SLC2A9: variants seen among roughly 807,000 people sequenced by gnomAD.
SLC2A9 encodes solute carrier family 2, facilitated glucose transporter member 9.
In SLC2A9, 39 loss-of-function variants were observed where a neutral mutation model predicts 50.6. The observed-to-expected ratio is 0.77, with a 90% CI of 0.60 to 1.01. The LOEUF (loss-of-function observed/expected upper bound fraction) is 1.01. Among genes scored for constraint, SLC2A9 ranks in the 50% least tolerant of loss-of-function variants. The pLI, the probability that SLC2A9 is intolerant of heterozygous loss-of-function variation, is 0.00. For missense variants in SLC2A9, 686 were observed against 677.6 expected (o/e 1.01, Z -0.14); for synonymous variants, 324 against 276.9 (o/e 1.17, Z -1.69).
rs904129062 is a variant in SLC2A9, at chr4:9,941,820, C to G, written c.814+93G>C. On this transcript the variant is annotated intron_variant, in intron 6 of 11. Coordinates refer to ENST00000264784, the MANE Select transcript of SLC2A9 (RefSeq NM_020041.3). ...TGCAAAAAGGAACAATGACAACACC[C>G]CTTCCTGTGCCCATTGGCCCAGGTC... 5.1e-6 allele frequency: 8 copies of G among 1,560,408 alleles called. No homozygotes were observed. In the South Asian group the frequency reaches 9.1e-5, roughly 18 times the overall value.
intron 11 of SLC2A9, among the ~76,000 whole-genome samples, chr4:9,832,615 G>A (rs1009830132): frequency 6.6e-6 from 1 of 152,302 alleles, no homozygotes; most frequent in East Asian, 1.9e-4. Flanking sequence ...AATGCCCACA[G>A]GCATAAGAAA....
At chr4:9,788,090 T>A (rs1316358572) in intron 3 of SLC2A9, among the ~76,000 whole-genome samples, 6 of 152,212 alleles carry the variant, frequency 3.9e-5, no homozygotes, top group Non-Finnish European at 7.3e-5. Context: ...TTAAAAAAAA[T>A]TCCATAATCT....
intron 3 of SLC2A9, chr4:9,783,347 A>T: frequency 6.2e-7 from 1 of 1,614,206 alleles, no homozygotes. Flanking sequence ...CATGTTCCAG[A>T]TCTATCAGAC....
downstream of SLC2A9, among the ~76,000 whole-genome samples, chr4:9,795,838 A>C (rs898276021): frequency 3.9e-5 from 6 of 152,132 alleles, no homozygotes; most frequent in Non-Finnish European, 7.3e-5. Context: ...AAAAGACCTC[A>C]GGGGGAACCA....
At position 9,815,182 on chromosome 4, in the gene SLC2A9, G is replaced by A. The variant is rs28468399; in HGVS notation, n.420+11238C>T. ...GAGCACTGCTAGGTGGAAAGCCCACGCCAGCACCAGGGAAAGCACCAGAAC... is the reference window on the plus strand; with the variant it reads ...GAGCACTGCTAGGTGGAAAGCCCACACCAGCACCAGGGAAAGCACCAGAAC... On this transcript the variant is annotated intron_variant and non_coding_transcript_variant, in intron 3 of 3. Coordinates refer to the SLC2A9 transcript ENST00000503280. Among the ~76,000 whole-genome samples the A allele has an allele frequency of 7.4e-3, 1,121 of 152,206 alleles. 10 individuals carry two copies. Among genetic ancestry groups the A allele is most frequent in the Middle Eastern group, 0.027 (8 of 294 alleles).
rs1034861753 is a variant in SLC2A9 at position 10,019,154 on chromosome 4, C to G, written c.151-81G>C. ...GGGAAGACCTGGAACGTTCCCTCAGCTGGGGGAGGCCTTCCGGAGGAGAAG... is the reference window on the plus strand; with the variant it reads ...GGGAAGACCTGGAACGTTCCCTCAGGTGGGGGAGGCCTTCCGGAGGAGAAG... On this transcript the variant is annotated intron_variant, in intron 1 of 11. Coordinates refer to ENST00000264784, the MANE Select transcript of SLC2A9 (RefSeq NM_020041.3). 2.7e-6 allele frequency: 3 copies of G among 1,130,608 alleles called. No individual in the cohort carries two copies. In the Admixed American group the frequency reaches 6.0e-5, roughly 23 times the overall value. The allele number at this position is 1,130,608 out of a possible 1,614,324, so 70.0% of individuals were successfully genotyped here. A position where few individuals can be genotyped will look rare whatever the true frequency, so the allele number is the denominator to read the frequency against.
At chr4:9,996,605 C>T (rs1758716879) in intron 3 of SLC2A9, among the ~76,000 whole-genome samples, 176 bp downstream of exon 3, 1 of 152,240 alleles carries the variant, frequency 6.6e-6, no homozygotes. Context: ...CAGTCCATGG[C>T]TTCAGTTATC....
At position 9,834,936 on chromosome 4, in the gene SLC2A9, C is replaced by T. The variant is rs1223347018; in HGVS notation, c.1364G>A (p.Gly455Asp). The T allele has an allele frequency of 1.2e-6, 2 of 1,613,992 alleles. No individual in the cohort carries two copies. Among genetic ancestry groups the T allele is most frequent in the Non-Finnish European group, 1.7e-6 (2 of 1,180,046 alleles). The part of the protein sequence containing the change: ...SQRPAAFIIA[G>D]TVNWLSNFAV... The stretch of plus-strand genomic sequence containing the variant: ...AAAGTTGGAGAGCCAGTTGACGGTG[C>T]CTGCAATGATGAAGGCAGCCGGCCG... The change falls in exon 11 of 12, where the codon GGC (glycine) becomes GAC (aspartate). Residue 455 changes from glycine to aspartate, a missense_variant. Coordinates refer to ENST00000264784, the MANE Select transcript of SLC2A9 (RefSeq NM_020041.3).
At chr4:9,845,531 G>A (rs1324006931) in intron 10 of SLC2A9, among the ~76,000 whole-genome samples, 2 of 144,540 alleles carry the variant, frequency 1.4e-5, no homozygotes, top group South Asian at 2.2e-4. Flanking sequence ...CCGGGTTCAC[G>A]CCATTCTCCT....
intron 6 of SLC2A9, chr4:9,924,072 T>G (rs1744452839): frequency 6.6e-6 from 1 of 152,248 alleles, no homozygotes; most frequent in South Asian, 2.1e-4. Context: ...CTGAGACCCC[T>G]GAAGGTGCCA....
At chr4:10,018,424 C>A (rs973577659) in intron 2 of SLC2A9, among the ~76,000 whole-genome samples, 7 of 152,058 alleles carry the variant, frequency 4.6e-5, no homozygotes, top group Non-Finnish European at 1.0e-4. Flanking sequence ...TGCCTGTAGC[C>A]CCAGTTACTC....
chr4:9,913,019 C>T (rs190760885), intron 7 of SLC2A9, among the ~76,000 whole-genome samples: 6 of 152,252 alleles, frequency 3.9e-5, no homozygotes, highest in East Asian at 3.9e-4. Context: ...GGCCACAAGC[C>T]GAGAGATGCA....
At chr4:9,811,418 C>T (rs1313368976) in intron 3 of SLC2A9, among the ~76,000 whole-genome samples, 1 of 152,236 alleles carries the variant, frequency 6.6e-6, no homozygotes, top group Admixed American at 6.5e-5. Context: ...TCTATTCCTG[C>T]TCTCCTTTCT....
In SLC2A9 at chr4:9,835,015, T is replaced by G; in HGVS notation, c.1292-7A>C. 1 of 1,613,032 alleles carries G rather than the reference T, an allele frequency of 6.2e-7. No individual in the cohort carries two copies. The highest frequency in any genetic ancestry group is 8.5e-7 in the Non-Finnish European group (1 of 1,179,922). ...AAGATGAACGGGATGCCACCTGCAG[T>G]GTGTGAGCCAGGACATGGAATTAAT... On this transcript the variant is annotated splice_polypyrimidine_tract_variant and splice_region_variant and intron_variant, in intron 10 of 11. Coordinates refer to ENST00000264784, the MANE Select transcript of SLC2A9 (RefSeq NM_020041.3).
intron 2 of SLC2A9, among the ~76,000 whole-genome samples, chr4:9,997,321 G>T (rs951006109): frequency 5.3e-5 from 8 of 152,146 alleles, no homozygotes; most frequent in African/African-American, 1.9e-4. Flanking sequence ...GCTGGACTCA[G>T]ATCTGACCCC....
chr4:9,860,556 C>T (rs118033084), intron 10 of SLC2A9, among the ~76,000 whole-genome samples: 105 of 152,370 alleles, frequency 6.9e-4, no homozygotes, highest in East Asian at 6.4e-3. Flanking sequence ...CAGGACAGGA[C>T]TGACTTTGAA....
intron 2 of SLC2A9, among the ~76,000 whole-genome samples, chr4:10,003,786 C>A (rs996880322): frequency 1.3e-5 from 2 of 152,162 alleles, no homozygotes; most frequent in Non-Finnish European, 2.9e-5. Flanking sequence ...AATAAGAATT[C>A]GTTTTGAGTT....
At chr4:9,825,675 C>T (rs1027703331), downstream of SLC2A9, among the ~76,000 whole-genome samples, 2 of 152,118 alleles carry the variant, frequency 1.3e-5, no homozygotes, top group Admixed American at 6.6e-5. Flanking sequence ...TCTTCATGTT[C>T]TCTGTGAGCA....
At chr4:10,020,037 T>TGA (rs1259164885) in intron 1 of SLC2A9, among the ~76,000 whole-genome samples, 1 of 115,512 alleles carries the variant, frequency 8.7e-6, no homozygotes, top group Admixed American at 9.1e-5. Context: ...GACATATTTG[T>TGA]GAGTGTGTGT....
Sources: allele counts gnomAD v4.1 joint callset (sites outside exome capture counted in the v4.1 genomes callset), GRCh38; gene constraint gnomAD v4.1.1; transcripts MANE v1.5; gene names NCBI Gene and HGNC (gene_info 2026-07-23, HGNC 2026-07-21).